HSD17B4: variants seen among roughly 807,000 people sequenced by gnomAD.
HSD17B4 encodes peroxisomal multifunctional enzyme type 2.
Under a neutral mutation model 101.0 loss-of-function variants are expected in HSD17B4, and 70 were observed. That is an observed-to-expected ratio of 0.69 (90% CI 0.57 to 0.85). HSD17B4 has a LOEUF of 0.85. HSD17B4 is among the 40% of genes least tolerant of loss of function. The pLI, the probability that HSD17B4 is intolerant of heterozygous loss-of-function variation, is 0.00. For missense variants in HSD17B4, 984 were observed against 892.4 expected, an observed-to-expected ratio of 1.10 and a Z score of -1.31; for synonymous variants, 347 against 297.1, an observed-to-expected ratio of 1.17 and a Z score of -1.73.
In HSD17B4 at chr5:119,452,754, A is replaced by G. The variant is rs775377217; in HGVS notation, c.58+121A>G. The G allele has an allele frequency of 1.3e-5, 20 of 1,586,550 alleles. No individual in the cohort carries two copies. The highest frequency in any genetic ancestry group is 1.6e-5 in the Non-Finnish European group (19 of 1,172,946). On this transcript the variant is annotated intron_variant, in intron 1 of 23. Coordinates refer to ENST00000510025, the MANE Select transcript of HSD17B4 (RefSeq NM_000414.4). ...CCCCGCTGAGGTGGTGGGGAGGGGA[A>G]TGGTTATTCTTGAGGCACCGCATCT...
intron 2 of HSD17B4, among the ~76,000 whole-genome samples, chr5:119,466,632 A>C (rs541988308): frequency 6.6e-6 from 1 of 152,122 alleles, no homozygotes; most frequent in African/African-American, 2.4e-5. Flanking sequence ...CTGTGGTATC[A>C]GTTGTAAATG....
intron 2 of HSD17B4, among the ~76,000 whole-genome samples, chr5:119,473,628 T>C (rs929700816): frequency 6.6e-6 from 1 of 152,200 alleles, no homozygotes; most frequent in Non-Finnish European, 1.5e-5. Flanking sequence ...CAGTCTTCTT[T>C]ACTTTTTGAA....
intron 2 of HSD17B4, among the ~76,000 whole-genome samples, chr5:119,467,133 A>C (rs1290284008): frequency 6.6e-6 from 1 of 152,222 alleles, no homozygotes; most frequent in Non-Finnish European, 1.5e-5. Context: ...GTGATTAGAA[A>C]ACCAAAATCA....
chr5:119,499,679 T>C (rs762198443), intron 13 of HSD17B4, 126 bp downstream of exon 13: 4 of 493,672 alleles, frequency 8.1e-6, no homozygotes, highest in Non-Finnish European at 1.4e-5. Flanking sequence ...TTATAGTGGT[T>C]AGTTTAGCAT....
At chr5:119,539,547 G>A (rs376899885) in intron 23 of HSD17B4, among the ~76,000 whole-genome samples, 4 of 151,268 alleles carry the variant, frequency 2.6e-5, no homozygotes, top group African/African-American at 4.9e-5. Flanking sequence ...ACAAACCTGC[G>A]CATTGTGCAC....
chr5:119,480,938 C>A (rs1749070691), intron 8 of HSD17B4, among the ~76,000 whole-genome samples: 1 of 152,190 alleles, frequency 6.6e-6, no homozygotes, highest in African/African-American at 2.4e-5. Context: ...CTGCTCGGCT[C>A]ACCAGCGGTC....
chr5:119,489,262 G>A lies in HSD17B4; in HGVS notation c.693G>A (p.Glu231=). The change falls in exon 9 of 24, where the codon GAG becomes GAA. Residue 231 remains glutamate, a synonymous_variant. Transcript: ENST00000510025. Reference sequence around the variant, plus strand: ...TTTGGCTTTGTCACGAGAGTTGTGAGGAGAATGGTGGCTTGTTTGAGGTAT... The same window carrying A: ...TTTGGCTTTGTCACGAGAGTTGTGAAGAGAATGGTGGCTTGTTTGAGGTAT... The part of the protein sequence containing the change: ...LVLWLCHESC[E]ENGGLFEVGA... 2.5e-6 allele frequency: 4 copies of A among 1,611,834 alleles called. No homozygotes were observed. The highest frequency in any genetic ancestry group is 3.4e-6 in the Non-Finnish European group (4 of 1,178,228).
At chr5:119,529,651 G>C (rs1753888579) in intron 20 of HSD17B4, among the ~76,000 whole-genome samples, 1 of 151,972 alleles carries the variant, frequency 6.6e-6, no homozygotes, top group Admixed American at 6.6e-5. Flanking sequence ...TTCTTTGTTT[G>C]TTTGTTTTAA....
intron 14 of HSD17B4, among the ~76,000 whole-genome samples, chr5:119,503,578 A>G (rs1486455269): frequency 1.3e-5 from 2 of 152,162 alleles, no homozygotes; most frequent in East Asian, 1.9e-4. Context: ...AAACACACCA[A>G]TTGATGAGAC....
intron 9 of HSD17B4, among the ~76,000 whole-genome samples, chr5:119,491,159 A>G (rs1361231747): frequency 1.3e-5 from 2 of 152,108 alleles, no homozygotes; most frequent in Non-Finnish European, 2.9e-5. Context: ...CTTGTAGCTT[A>G]TTACTTCGCT....
intron 8 of HSD17B4, among the ~76,000 whole-genome samples, chr5:119,482,209 G>A (rs1012415528): frequency 2.6e-5 from 4 of 151,732 alleles, no homozygotes; most frequent in East Asian, 1.9e-4. Flanking sequence ...CTTTTTTTGC[G>A]TTTCCGTGCA....
intron 22 of HSD17B4, among the ~76,000 whole-genome samples, 164 bp downstream of exon 22, chr5:119,531,568 G>GTGTGTGTGTGT (rs1554069007): frequency 1.7e-5 from 2 of 116,400 alleles, no homozygotes; most frequent in East Asian, 4.8e-4. Context: ...TCCAAAGGGG[G>GTGTGTGTGTGT]GTGTGTGTGT....
chr5:119,503,655 G>A (rs1303080279), intron 14 of HSD17B4, among the ~76,000 whole-genome samples: 1 of 151,870 alleles, frequency 6.6e-6, no homozygotes, highest in African/African-American at 2.4e-5. Flanking sequence ...GGCTATAGTG[G>A]TAGTGTCATA....
In HSD17B4 at chr5:119,478,969, C is replaced by T; in HGVS notation, c.570C>T (p.Asn190=). Reference sequence around the variant, plus strand: ...GCAGGAAAAGCAACATTCATTGTAACACCATTGCTCCTAATGCGGGATCAC... The same window carrying T: ...GCAGGAAAAGCAACATTCATTGTAATACCATTGCTCCTAATGCGGGATCAC... ...IEGRKSNIHC[N]TIAPNAGSRM... Residue 190 remains asparagine (N), a synonymous_variant, in exon 8 of 24, where the codon AAC becomes AAT. Coordinates refer to ENST00000510025, the MANE Select transcript of HSD17B4 (RefSeq NM_000414.4). The T allele has an allele frequency of 6.2e-7, 1 of 1,613,664 alleles. No individual in the cohort carries two copies. Among genetic ancestry groups the T allele is most frequent in the Non-Finnish European group, 8.5e-7 (1 of 1,179,674 alleles).
In HSD17B4 at chr5:119,489,181, C is replaced by CT. The variant is rs1388764483; in HGVS notation, c.623-8dup. 3.7e-5 allele frequency: 58 copies of CT among 1,560,162 alleles called. No homozygotes were observed. The highest frequency in any genetic ancestry group is 5.1e-5 in the Non-Finnish European group (58 of 1,131,408). On this transcript the variant is annotated splice_polypyrimidine_tract_variant and intron_variant, in intron 8 of 23. Coordinates refer to ENST00000510025, the MANE Select transcript of HSD17B4 (RefSeq NM_000414.4). ...ATGATTGATAAGATATGTGTATATTCTTTATTTCAGATCTTGTGGAAGCCC... is the reference window on the plus strand; with the variant it reads ...ATGATTGATAAGATATGTGTATATTCTTTTATTTCAGATCTTGTGGAAGCCC...
intron 14 of HSD17B4, among the ~76,000 whole-genome samples, chr5:119,503,308 C>T (rs1210104130): frequency 2.0e-5 from 3 of 151,968 alleles, no homozygotes; most frequent in African/African-American, 4.8e-5. Context: ...GATGTATACT[C>T]CAGAGTGATG....
chr5:119,510,293 C>A (rs978500403), intron 16 of HSD17B4, among the ~76,000 whole-genome samples: 2 of 152,160 alleles, frequency 1.3e-5, no homozygotes, highest in Non-Finnish European at 2.9e-5. Flanking sequence ...ACAAGTGATC[C>A]TTGTATAGAT....
At chr5:119,535,718 C>G (rs1754476073) in intron 22 of HSD17B4, 1 of 149,008 alleles carries the variant, frequency 6.7e-6, no homozygotes, top group South Asian at 2.1e-4. Context: ...CTTTCATGTG[C>G]TTTTCCATTT....
At chr5:119,511,414 A>T (rs1752155341) in intron 16 of HSD17B4, among the ~76,000 whole-genome samples, 1 of 152,228 alleles carries the variant, frequency 6.6e-6, no homozygotes, top group African/African-American at 2.4e-5. Flanking sequence ...CTGGGATTGT[A>T]ACAAACCTCA....
Sources: gnomAD v4.1 joint callset for allele counts (sites outside exome capture counted in the v4.1 genomes callset) on GRCh38, gnomAD v4.1.1 for gene constraint, MANE v1.5 for transcripts, NCBI Gene and HGNC (gene_info 2026-07-23, HGNC 2026-07-21) for gene names.